NAALADL2: variants seen among roughly 807,000 people sequenced by gnomAD.
NAALADL2 encodes N-acetylated alpha-linked acidic dipeptidase like 2.
In NAALADL2, 76 loss-of-function variants were observed where a neutral mutation model predicts 87.2. That is an observed-to-expected ratio of 0.87 (90% CI 0.72 to 1.05). NAALADL2 has a LOEUF of 1.05. Among genes scored for constraint, NAALADL2 ranks in the 50% least tolerant of loss-of-function variants. The pLI is 0.00. For missense variants in NAALADL2, 1,089 were observed against 945.8 expected (o/e 1.15, Z -1.99); for synonymous variants, 354 against 331.0 (o/e 1.07, Z -0.75).
At chr3:175,069,690 C>T (rs1284087846) in intron 1 of NAALADL2, among the ~76,000 whole-genome samples, 14 of 152,014 alleles carry the variant, frequency 9.2e-5, no homozygotes, top group African/African-American at 2.9e-4. Context: ...ATAAATCATA[C>T]TGCTATAAAG....
At chr3:175,600,728 G>A (rs1722866997) in intron 10 of NAALADL2, among the ~76,000 whole-genome samples, 1 of 151,080 alleles carries the variant, frequency 6.6e-6, no homozygotes, top group Non-Finnish European at 1.5e-5. Flanking sequence ...TAGTAGAGAC[G>A]GGTTTTCACC....
At chr3:174,714,424 TA>T (rs1486031075) in intron 2 of NAALADL2, among the ~76,000 whole-genome samples, 1 of 152,200 alleles carries the variant, frequency 6.6e-6, no homozygotes, top group African/African-American at 2.4e-5. Context: ...TGATTCTTCC[TA>T]CCCATGAGCA....
intron 9 of NAALADL2, among the ~76,000 whole-genome samples, chr3:175,510,843 G>T (rs1731050283): frequency 6.6e-6 from 1 of 152,138 alleles, no homozygotes; most frequent in Non-Finnish European, 1.5e-5. Flanking sequence ...CTAAAGTCAG[G>T]ATGATAGAAC....
At chr3:175,747,296 C>T (rs542047516) in intron 12 of NAALADL2, among the ~76,000 whole-genome samples, 33 of 152,310 alleles carry the variant, frequency 2.2e-4, no homozygotes, top group African/African-American at 6.7e-4. Context: ...CTTCTCCATT[C>T]TGAGTACTTC....
intron 9 of NAALADL2, among the ~76,000 whole-genome samples, chr3:175,545,668 A>G (rs1163435513): frequency 1.3e-5 from 2 of 152,152 alleles, no homozygotes; most frequent in African/African-American, 2.4e-5. Context: ...ACTTCAACCC[A>G]TGTTTTAAAA....
chr3:175,179,662 T>A (rs979169531), intron 2 of NAALADL2, among the ~76,000 whole-genome samples: 3 of 152,026 alleles, frequency 2.0e-5, no homozygotes, highest in Non-Finnish European at 4.4e-5. Flanking sequence ...AGACATGGGT[T>A]ACTTCTAGAG....
chr3:175,586,863 T>G (rs1247956170), intron 10 of NAALADL2, among the ~76,000 whole-genome samples: 1 of 152,206 alleles, frequency 6.6e-6, no homozygotes, highest in Non-Finnish European at 1.5e-5. Flanking sequence ...TTAGAAATAA[T>G]AACATTGGAT....
At chr3:174,996,770 C>G (rs1747521869) in intron 1 of NAALADL2, among the ~76,000 whole-genome samples, 1 of 152,044 alleles carries the variant, frequency 6.6e-6, no homozygotes, top group African/African-American at 2.4e-5. Flanking sequence ...AATATGTAGT[C>G]TTTATCCCTC....
chr3:175,747,131 T>C (rs1384059703), intron 12 of NAALADL2, among the ~76,000 whole-genome samples: 3 of 152,192 alleles, frequency 2.0e-5, no homozygotes, highest in Non-Finnish European at 4.4e-5. Context: ...AAAACTAGTT[T>C]TTCTTTCCCA....
intron 2 of NAALADL2, among the ~76,000 whole-genome samples, chr3:175,186,644 A>C (rs1208673003): frequency 9.9e-5 from 15 of 152,080 alleles, no homozygotes; most frequent in Admixed American, 9.8e-4. Flanking sequence ...TTGAATTTTG[A>C]CGCCAAGTGC....
At chr3:174,933,661 A>G (rs1371948751) in intron 1 of NAALADL2, among the ~76,000 whole-genome samples, 1 of 152,214 alleles carries the variant, frequency 6.6e-6, no homozygotes, top group African/African-American at 2.4e-5. Flanking sequence ...TGTGTTGCCA[A>G]CTAAGTAACC....
intron 1 of NAALADL2, among the ~76,000 whole-genome samples, chr3:174,481,573 T>C (rs965856070): frequency 6.6e-6 from 1 of 152,122 alleles, no homozygotes; most frequent in Admixed American, 6.6e-5. Flanking sequence ...GATGCCTGCG[T>C]TGGGGGCCCC....
chr3:175,337,516 T>TG (rs961989236), intron 5 of NAALADL2, among the ~76,000 whole-genome samples: 2 of 152,024 alleles, frequency 1.3e-5, no homozygotes, highest in African/African-American at 4.8e-5. Flanking sequence ...CAGACAGACT[T>TG]GGGGGGGCCA....
At chr3:174,516,650 A>G (rs1377384579) in intron 1 of NAALADL2, among the ~76,000 whole-genome samples, 2 of 152,116 alleles carry the variant, frequency 1.3e-5, no homozygotes, top group Non-Finnish European at 2.9e-5. Flanking sequence ...AACAAAGATG[A>G]TAAAAATTGA....
At chr3:174,658,112 T>C (rs533626377) in intron 2 of NAALADL2, among the ~76,000 whole-genome samples, 9 of 152,256 alleles carry the variant, frequency 5.9e-5, no homozygotes, top group Non-Finnish European at 8.8e-5. Flanking sequence ...TTTTGTGTAG[T>C]TGTGTTCTCA....
chr3:175,055,576 A>G (rs971944304), intron 1 of NAALADL2, among the ~76,000 whole-genome samples: 1 of 152,200 alleles, frequency 6.6e-6, no homozygotes, highest in South Asian at 2.1e-4. Context: ...CCAGTTTGGA[A>G]TGGGGCCTGG....
intron 4 of NAALADL2, among the ~76,000 whole-genome samples, chr3:175,257,592 G>C (rs142812258): frequency 3.4e-4 from 52 of 151,752 alleles, no homozygotes; most frequent in African/African-American, 1.0e-3. Context: ...GGGTCAGGGT[G>C]GGGGGGCACA....
intron 1 of NAALADL2, among the ~76,000 whole-genome samples, chr3:175,068,758 G>A (rs1715010658): frequency 6.6e-6 from 1 of 152,062 alleles, no homozygotes; most frequent in South Asian, 2.1e-4. Context: ...GTAAACATTG[G>A]TCGAGTTATA....
At chr3:175,358,847 A>G (rs889471148) in intron 5 of NAALADL2, among the ~76,000 whole-genome samples, 5 of 152,112 alleles carry the variant, frequency 3.3e-5, no homozygotes, top group Non-Finnish European at 7.4e-5. Context: ...ATTTGGCACA[A>G]TAAGTCAATA....
Sources: allele counts gnomAD v4.1 joint callset (sites outside exome capture counted in the v4.1 genomes callset), GRCh38; gene constraint gnomAD v4.1.1; transcripts MANE v1.5; gene names NCBI Gene and HGNC (gene_info 2026-07-23, HGNC 2026-07-21).